The following KRT38 variants were observed in gnomAD, a reference collection of about 807,000 sequenced individuals.
KRT38 encodes keratin, type I cuticular Ha8.
Under a neutral mutation model 43.1 loss-of-function variants are expected in KRT38, and 45 were observed. The ratio of observed to expected loss-of-function variants is 1.04; its 90% CI spans 0.82 to 1.34. The LOEUF is 1.34. KRT38 is among the 40% of genes most tolerant of loss of function. KRT38 has a pLI of 0.00. For missense variants in KRT38, 627 were observed against 586.2 expected (o/e 1.07, Z -0.72); for synonymous variants, 258 against 244.0 (o/e 1.06, Z -0.53).
At position 41,440,815 on chromosome 17, in the gene KRT38, GC is replaced by G. The variant is rs1487059456; in HGVS notation, c.106del (p.Ala36GlnfsTer65). 1 of 1,610,168 alleles carries G rather than the reference GC, an allele frequency of 6.2e-7. No individual in the cohort carries two copies. Among genetic ancestry groups the G allele is most frequent in the Admixed American group, 1.7e-5 (1 of 59,832 alleles). ...GCACATGGGGGCAATGTTGGCCTCT[GC>G]CCCAGGCTGGCACCCAATGTCGATG... Reference protein sequence around the residue: ...SPIDIGCQPGAEANIAPMCLL... With the variant: ...SPIDIGCQPGXEANIAPMCLL... On this transcript the variant is annotated frameshift_variant, in exon 1 of 7. Transcript: ENST00000246646. LOFTEE classifies it high-confidence loss of function.
intron 3 of KRT38, 32 bp downstream of exon 3, chr17:41,439,171 C>T (rs1440823933): frequency 5.6e-6 from 9 of 1,604,620 alleles, no homozygotes; most frequent in Admixed American, 1.7e-5. Flanking sequence ...GCCCAGTGCC[C>T]TCCCCAGGAG....
intron 2 of KRT38, 51 bp downstream of exon 2, chr17:41,440,110 G>T (rs2018777742): frequency 7.1e-7 from 1 of 1,413,172 alleles, no homozygotes; most frequent in Non-Finnish European, 1.0e-6. Context: ...TTTGGGCATT[G>T]GGATGGAGGG....
At position 41,440,655 on chromosome 17, in the gene KRT38, A is replaced by G. The variant is rs754003890; in HGVS notation, c.267T>C (p.Ile89=). The change falls in exon 1 of 7, where the codon ATT becomes ATC. Residue 89 remains isoleucine (I), a synonymous_variant. Coordinates refer to ENST00000246646, the MANE Select transcript of KRT38 (RefSeq NM_006771.4). ...LPGTCHIPGN[I]GICGAYGENT... is the part of the protein sequence containing the mutation. ...TTTCACCATAGGCCCCACAGATTCC[A>G]ATGTTGCCAGGAATGTGGCAGGTCC... 5 of 1,614,130 alleles carry G rather than the reference A, an allele frequency of 3.1e-6. No individual in the cohort carries two copies. The highest frequency in any genetic ancestry group is 2.2e-5 in the South Asian group (2 of 91,082).
chr17:41,437,224 G>C lies in KRT38; in HGVS notation c.*188C>G. ...GCAATCCAGCCACTGAGGGCATAGA[G>C]CTCACCTGGGAAAACCAAGAGCAGG... is the stretch of plus-strand genomic sequence containing the variant. On this transcript the variant is annotated 3_prime_UTR_variant, in exon 7 of 7. Coordinates refer to ENST00000246646, the MANE Select transcript of KRT38 (RefSeq NM_006771.4). The C allele has an allele frequency of 1.9e-6, 1 of 533,464 alleles. No individual in the cohort carries two copies. The highest frequency in any genetic ancestry group is 2.9e-6 in the Non-Finnish European group (1 of 341,448). The allele number at this position is 533,464 out of a possible 1,614,324, so 33.0% of individuals were successfully genotyped here.
rs369532845 is a variant in KRT38, at chr17:41,438,479, A to G, written c.1020+12T>C. The G allele has an allele frequency of 1.4e-5, 22 of 1,614,054 alleles. No homozygotes were observed. In the Admixed American group the frequency reaches 3.0e-4, roughly 22 times the overall value. On this transcript the variant is annotated intron_variant, in intron 5 of 6. Transcript: ENST00000246646. ...GGGCATTTGCAGTGCAGTGAGAGTG[A>G]AGGACACGTACCAAGGTGTGCTGGG... is the stretch of plus-strand genomic sequence containing the variant.
In KRT38 at chr17:41,437,368, T is replaced by C. The variant is rs9894044; in HGVS notation, c.*44A>G. The C allele has an allele frequency of 0.3, 439,452 of 1,487,648 alleles. 67,315 individuals are homozygous for C. The highest frequency in any genetic ancestry group is 0.36 in the South Asian group (26,002 of 71,518). 92.2% of individuals were successfully genotyped at this position (1,487,648 alleles called of 1,614,324 possible). A position where few individuals can be genotyped will look rare whatever the true frequency, so the allele number is the denominator to read the frequency against. On this transcript the variant is annotated 3_prime_UTR_variant, in exon 7 of 7. Transcript: ENST00000246646. Reference sequence around the variant, plus strand: ...TAAAGGTATAACAAGCATCTCTCTTTGGGTATCCCTCGCCTTAGCCAGCCC... The same window carrying C: ...TAAAGGTATAACAAGCATCTCTCTTCGGGTATCCCTCGCCTTAGCCAGCCC...
In KRT38 at chr17:41,440,531, C is replaced by G; in HGVS notation, c.391G>C (p.Glu131Gln). ...KVRQLEQENA[E>Q]LEATLLERSK... is the part of the protein sequence containing the mutation. ...CTCTCGAGGAGTGTGGCCTCCAGCTCCGCATTCTCCTGCTCCAGCTGGCGC... is the reference window on the plus strand; with the variant it reads ...CTCTCGAGGAGTGTGGCCTCCAGCTGCGCATTCTCCTGCTCCAGCTGGCGC... Residue 131 changes from glutamate (E) to glutamine (Q), a missense_variant, in exon 1 of 7, where the codon GAG (glutamate) becomes CAG (glutamine). Physicochemically the swap from Glu to Gln is conservative, Grantham distance 29. Coordinates refer to ENST00000246646, the MANE Select transcript of KRT38 (RefSeq NM_006771.4). The G allele has an allele frequency of 6.2e-7, 1 of 1,614,236 alleles. No homozygotes were observed. The highest frequency in any genetic ancestry group is 8.5e-7 in the Non-Finnish European group (1 of 1,180,042).
Position 41,440,954 on chromosome 17 carries a change from ATC to A in KRT38, c.-35_-34del. The A allele has an allele frequency of 6.6e-7, 1 of 1,513,210 alleles. No individual in the cohort carries two copies. The highest frequency in any genetic ancestry group is 8.8e-7 in the Non-Finnish European group (1 of 1,132,826). The allele number at this position is 1,513,210 out of a possible 1,614,324, so 93.7% of individuals were successfully genotyped here. A position where few individuals can be genotyped will look rare whatever the true frequency, so the allele number is the denominator to read the frequency against. On this transcript the variant is annotated 5_prime_UTR_variant, in exon 1 of 7. Transcript: ENST00000246646. ...GGCTGAGGCTGCACAGGAGCTTCAG[ATC>A]AGCTGGGAAAGCTGAACCACTGAGA...
Position 41,440,727 on chromosome 17 carries a change from G to A in KRT38, c.195C>T (p.Pro65=). Residue 65 remains proline, a synonymous_variant, in exon 1 of 7, where the codon CCC becomes CCT. Coordinates refer to ENST00000246646, the MANE Select transcript of KRT38 (RefSeq NM_006771.4). ...VRVGSTPLGR[P]SLCLPPTCHT... Reference sequence around the variant, plus strand: ...GGCAGGTAGGCGGCAGACAGAGGCTGGGGCGGCCCAGGGGAGTGGACCCCA... The same window carrying A: ...GGCAGGTAGGCGGCAGACAGAGGCTAGGGCGGCCCAGGGGAGTGGACCCCA... 6.2e-7 allele frequency: 1 copy of A among 1,614,136 alleles called. No individual in the cohort carries two copies. Among genetic ancestry groups the A allele is most frequent in the Non-Finnish European group, 8.5e-7 (1 of 1,179,964 alleles).
chr17:41,439,211 G>C lies in KRT38; in HGVS notation c.724C>G (p.His242Asp), dbSNP rs571895965. The part of the protein sequence containing the change: ...KEEQLSLKSN[H>D]EQEVKILRSQ... ...AGCGCCCAGGGCCACACCTGCTCGT[G>C]GTTGCTCTTGAGGGAGAGCTGCTCC... The change falls in exon 3 of 7, where the codon CAC (histidine) becomes GAC (aspartate). Residue 242 changes from histidine to aspartate, a missense_variant. Physicochemically the swap from His to Asp is moderately conservative, Grantham distance 81. Transcript: ENST00000246646. 13 of 1,613,816 alleles carry C rather than the reference G, an allele frequency of 8.1e-6. No homozygotes were observed. The Admixed American group carries it at 2.0e-4, about 25-fold the overall frequency.
At chr17:41,437,896 T>C (rs1042730396) in intron 6 of KRT38, among the ~76,000 whole-genome samples, 197 bp downstream of exon 6, 1 of 152,170 alleles carries the variant, frequency 6.6e-6, no homozygotes, top group East Asian at 1.9e-4. Context: ...GGTGGAGACC[T>C]GGTAAATATC....
rs758422695 is a variant in KRT38 at position 41,438,142 on chromosome 17, C to G, written c.1192G>C (p.Glu398Gln). 1.4e-5 allele frequency: 22 copies of G among 1,614,044 alleles called. No individual in the cohort carries two copies. In the East Asian group the frequency reaches 2.0e-4, roughly 15 times the overall value. ...QVLLDVKTRL[E>Q]NEIATYRNLL... ...TTCCGGTACGTGGCAATCTCATTCT[C>G]CAGCCGGGTCTTCACGTCCAGCAGC... Residue 398 changes from glutamate (E) to glutamine (Q), a missense_variant, in exon 6 of 7, where the codon GAG becomes CAG. Coordinates refer to ENST00000246646, the MANE Select transcript of KRT38 (RefSeq NM_006771.4).
Position 41,438,731 on chromosome 17 carries a change from T to C in KRT38, c.860A>G (p.Asn287Ser), listed in dbSNP as rs749642285. ...GAACCACTGTTCCACATCCTGGCGG[T>C]TGGTCTCCAACATGGCCTCATACTG... Reference protein sequence around the residue: ...RAQYEAMLETNRQDVEQWFQA... With the variant: ...RAQYEAMLETSRQDVEQWFQA... The change falls in exon 4 of 7, where the codon AAC (asparagine) becomes AGC (serine). Residue 287 changes from asparagine to serine, a missense_variant. Coordinates refer to ENST00000246646, the MANE Select transcript of KRT38 (RefSeq NM_006771.4). 6 of 1,613,600 alleles carry C rather than the reference T, an allele frequency of 3.7e-6. No individual in the cohort carries two copies. Among genetic ancestry groups the C allele is most frequent in the Middle Eastern group, 1.6e-4 (1 of 6,062 alleles).
In KRT38 at chr17:41,438,331, G is replaced by A. The variant is rs1159989617; in HGVS notation, c.1021-18C>T. 1.2e-5 allele frequency: 20 copies of A among 1,610,420 alleles called. No homozygotes were observed. The highest frequency in any genetic ancestry group is 2.7e-5 in the African/African-American group (2 of 74,778). On this transcript the variant is annotated intron_variant, in intron 5 of 6. Coordinates refer to ENST00000246646, the MANE Select transcript of KRT38 (RefSeq NM_006771.4). The stretch of plus-strand genomic sequence containing the variant: ...CAGTCCTTCTGTAGTGGGAAATAAG[G>A]GGATAAAATATACAAGGCCCCAAGG...
rs1048963444 is a variant in KRT38, at chr17:41,437,305, C to G, written c.*107G>C. 1 of 1,158,864 alleles carries G rather than the reference C, an allele frequency of 8.6e-7. No homozygotes were observed. The allele number at this position is 1,158,864 out of a possible 1,614,324, so 71.8% of individuals were successfully genotyped here. On this transcript the variant is annotated 3_prime_UTR_variant, in exon 7 of 7. Transcript: ENST00000246646. The stretch of plus-strand genomic sequence containing the variant: ...TCCCTGGTATCTCATAGCCTTTGGA[C>G]AGGCCTATACATACAGAAAGTTAGA...
In KRT38 at chr17:41,438,292, G is replaced by T. The variant is rs1234440388; in HGVS notation, c.1042C>A (p.Leu348Met). Residue 348 changes from leucine to methionine, a missense_variant, in exon 6 of 7, where the codon CTG becomes ATG. Transcript: ENST00000246646. ...HTLKDCLQNS[L>M]CEAEDRFGTE... ...CCGAAGCGGTCCTCGGCTTCACACAGGGAGTTCTGCAGACAGTCCTTCTGT... is the reference window on the plus strand; with the variant it reads ...CCGAAGCGGTCCTCGGCTTCACACATGGAGTTCTGCAGACAGTCCTTCTGT... The T allele has an allele frequency of 6.2e-7, 1 of 1,614,154 alleles. No individual in the cohort carries two copies. Among genetic ancestry groups the T allele is most frequent in the Non-Finnish European group, 8.5e-7 (1 of 1,180,012 alleles).
chr17:41,437,645 A>C, intron 6 of KRT38, 104 bp from the exon 7 acceptor site: 1 of 1,247,758 alleles, frequency 8.0e-7, no homozygotes, highest in South Asian at 1.5e-5. Flanking sequence ...ACAACAGAAC[A>C]TGGACCCAGC....
chr17:41,438,391 A>G, intron 5 of KRT38, 78 bp from the exon 6 acceptor site: 3 of 1,605,828 alleles, frequency 1.9e-6, no homozygotes, highest in South Asian at 2.2e-5. Context: ...TGATGGTGAT[A>G]ACAGGTGGGA....
At chr17:41,438,014 G>A in intron 6 of KRT38, 79 bp downstream of exon 6, 3 of 1,401,864 alleles carry the variant, frequency 2.1e-6, no homozygotes, top group Non-Finnish European at 3.0e-6. Flanking sequence ...TCTACATAGA[G>A]ACAGCCCTTC....
Sources: allele counts gnomAD v4.1 joint callset (sites outside exome capture counted in the v4.1 genomes callset), GRCh38; gene constraint gnomAD v4.1.1; transcripts MANE v1.5; gene names NCBI Gene and HGNC (gene_info 2026-07-23, HGNC 2026-07-21).